Variants in CMC2 observed in about 807,000 individuals in gnomAD.
CMC2 encodes the protein COX assembly mitochondrial protein 2 homolog.
A neutral mutation model predicts 7.5 loss-of-function variants in CMC2; 5 were observed. The observed-to-expected ratio is 0.66, with a 90% confidence interval of 0.35 to 1.40. The LOEUF is 1.40. Ranked by LOEUF, CMC2 falls within the 40% of genes most tolerant of loss-of-function variation. The probability of loss-of-function intolerance (pLI) is 0.04; values close to 1 mark genes in which losing one functional copy is unlikely to be tolerated. For missense variants in CMC2, 115 were observed against 92.3 expected (o/e 1.25, Z -1.01); for synonymous variants, 37 against 31.4 (o/e 1.18, Z -0.60).
At position 80,995,815 on chromosome 16, in the gene CMC2, A is replaced by G. The variant is rs558926999; in HGVS notation, c.81+1499T>C. On this transcript the variant is annotated intron_variant, in intron 2 of 3. Coordinates refer to ENST00000219400, the MANE Select transcript of CMC2 (RefSeq NM_020188.5). Reference sequence around the variant, plus strand: ...AAAGGGGCACAGGAAACTGATAGAAATGTTTTAGATCTTGACTGTGATGGT... The same window carrying G: ...AAAGGGGCACAGGAAACTGATAGAAGTGTTTTAGATCTTGACTGTGATGGT... Among the ~76,000 whole-genome samples, 61 of 152,344 alleles carry G rather than the reference A, an allele frequency of 4.0e-4. 3 individuals are homozygous for G. In the South Asian group the frequency reaches 0.013, roughly 32 times the overall value.
chr16:80,992,697 T>C, intron 2 of CMC2, among the ~76,000 whole-genome samples: 1 of 125,078 alleles, frequency 8.0e-6, no homozygotes, highest in Non-Finnish European at 1.6e-5. Context: ...GGCCTCTTAT[T>C]CCCCCTCCTT....
At chr16:80,988,541 T>C (rs1450280545) in intron 2 of CMC2, 2 of 701,978 alleles carry the variant, frequency 2.8e-6, no homozygotes, top group East Asian at 2.7e-5. Context: ...AGCTCTTACA[T>C]ATACACCCGA....
At chr16:80,984,897 A>T (rs73589175) in intron 2 of CMC2, among the ~76,000 whole-genome samples, 3,686 of 152,350 alleles carry the variant, frequency 0.024, 139 homozygotes, top group African/African-American at 0.083. Flanking sequence ...AGTGCCCCAG[A>T]GAAATTGGTA....
chr16:80,988,571 T>C, intron 2 of CMC2: 1 of 700,510 alleles, frequency 1.4e-6, no homozygotes, highest in Non-Finnish European at 2.6e-6. Flanking sequence ...CTGAACCGAG[T>C]AAGTTGCAGA....
At chr16:81,006,295 C>G (rs900745503) in intron 1 of CMC2, among the ~76,000 whole-genome samples, 2 of 152,178 alleles carry the variant, frequency 1.3e-5, no homozygotes, top group African/African-American at 2.4e-5. Flanking sequence ...TTGAACGGCC[C>G]CCGTTTTCTA....
intron 1 of CMC2, chr16:81,001,376 T>C (rs961307570): frequency 7.9e-5 from 12 of 152,142 alleles, no homozygotes; most frequent in African/African-American, 2.7e-4. Context: ...AAAAGGCAAA[T>C]ACTTTAACAT....
At chr16:81,005,519 T>C (rs2549872) in intron 1 of CMC2, among the ~76,000 whole-genome samples, 95,653 of 151,782 alleles carry the variant, frequency 0.63, 31,687 homozygotes, top group South Asian at 0.79. Context: ...TTTCAAGCTA[T>C]GAGCCATACT....
chr16:80,988,549 C>T (rs910917670), intron 2 of CMC2: 12 of 701,824 alleles, frequency 1.7e-5, no homozygotes, highest in African/African-American at 8.7e-5. Flanking sequence ...CATATACACC[C>T]GAGCTTTTCT....
At chr16:81,006,473 T>A (rs1289775188) in intron 1 of CMC2, 2 of 154,652 alleles carry the variant, frequency 1.3e-5, no homozygotes, top group African/African-American at 4.8e-5. Flanking sequence ...GCCAGTTGAG[T>A]GAGTGGCGGG....
chr16:80,976,387 A>T (rs776310897), intron 3 of CMC2, among the ~76,000 whole-genome samples: 1 of 152,220 alleles, frequency 6.6e-6, no homozygotes, highest in Non-Finnish European at 1.5e-5. Flanking sequence ...AGAGTATCTC[A>T]TATCTAGCAC....
chr16:80,992,232 T>C (rs896396212), intron 2 of CMC2, among the ~76,000 whole-genome samples: 2 of 152,224 alleles, frequency 1.3e-5, no homozygotes, highest in Non-Finnish European at 1.5e-5. Context: ...CTCCATTGTG[T>C]GGATGCACCA....
chr16:80,979,770 G>A (rs1051779844), intron 3 of CMC2, among the ~76,000 whole-genome samples: 6 of 151,908 alleles, frequency 3.9e-5, no homozygotes, highest in Non-Finnish European at 5.9e-5. Flanking sequence ...ACAGGCGCCC[G>A]CCACCATGCC....
chr16:80,981,184 A>G (rs1967087457), intron 3 of CMC2, among the ~76,000 whole-genome samples: 1 of 151,634 alleles, frequency 6.6e-6, no homozygotes, highest in Non-Finnish European at 1.5e-5. Flanking sequence ...CTGATGTATG[A>G]AACAGAAATT....
intron 1 of CMC2, among the ~76,000 whole-genome samples, chr16:81,004,991 G>A (rs899573604): frequency 3.9e-5 from 6 of 152,170 alleles, no homozygotes; most frequent in African/African-American, 1.2e-4. Flanking sequence ...CTATTGTGCG[G>A]CTGCACAGGA....
At position 80,997,364 on chromosome 16, in the gene CMC2, T is replaced by A. The variant is rs774135647; in HGVS notation, c.31A>T (p.Thr11Ser). Residue 11 changes from threonine to serine, a missense_variant, in exon 2 of 4, where the codon ACT becomes TCT. Physicochemically the swap from Thr to Ser is moderately conservative, Grantham distance 58 (BLOSUM62 1). Coordinates refer to ENST00000219400, the MANE Select transcript of CMC2 (RefSeq NM_020188.5). ...TTAATCAAGACGTTGCATTCTTCAG[T>A]GTGCAAGTGTGGAGATAAGTCAGGA... is the stretch of plus-strand genomic sequence containing the variant. Reference protein sequence around the residue: MHPDLSPHLHTEECNVLINLL... With the variant: MHPDLSPHLHSEECNVLINLL... 1 of 1,612,634 alleles carries A rather than the reference T, an allele frequency of 6.2e-7. No individual in the cohort carries two copies.
rs1968527339 is a variant in CMC2, at chr16:80,997,562, A to T, written c.-35-133T>A. The T allele has an allele frequency of 7.8e-6, 4 of 513,328 alleles. No homozygotes were observed. In the Admixed American group the frequency reaches 1.4e-4, roughly 19 times the overall value. 31.8% of individuals were successfully genotyped at this position (513,328 alleles called of 1,614,324 possible). A position where few individuals can be genotyped will look rare whatever the true frequency, so the allele number is the denominator to read the frequency against. On this transcript the variant is annotated intron_variant, in intron 1 of 3. Coordinates refer to ENST00000219400, the MANE Select transcript of CMC2 (RefSeq NM_020188.5). ...ATTAACCAGCTGTGTGACCTCAGGC[A>T]AATTATTAAACTTGAGACAAAGCTT...
intron 2 of CMC2, among the ~76,000 whole-genome samples, 200 bp from the exon 3 acceptor site, chr16:80,982,077 A>T (rs932163001): frequency 3.3e-5 from 5 of 152,162 alleles, no homozygotes; most frequent in African/African-American, 1.2e-4. Flanking sequence ...TTATACCTGG[A>T]TTTTCTTTCA....
In CMC2 at chr16:80,972,135, T is replaced by TA. The variant is rs1267903700; in HGVS notation, c.*3957dup. 6.6e-6 allele frequency: 1 copy of TA among 152,396 alleles called. No individual in the cohort carries two copies. Among genetic ancestry groups the TA allele is most frequent in the East Asian group, 1.9e-4 (1 of 5,182 alleles). 9.4% of individuals were successfully genotyped at this position (152,396 alleles called of 1,614,324 possible). On this transcript the variant is annotated 3_prime_UTR_variant, in exon 4 of 4. Transcript: ENST00000219400. ...TCTGATACCAGAGGCAGGAGACTGG[T>TA]AACAATAAAGCATCCCTTTGCTTTC...
chr16:80,995,097 G>C (rs1968303782), intron 2 of CMC2, among the ~76,000 whole-genome samples: 1 of 152,162 alleles, frequency 6.6e-6, no homozygotes, highest in Non-Finnish European at 1.5e-5. Context: ...AGTGAGCCAA[G>C]ATTGGGCCCC....
Sources: allele counts gnomAD v4.1 joint callset (sites outside exome capture counted in the v4.1 genomes callset), GRCh38; gene constraint gnomAD v4.1.1; transcripts MANE v1.5; gene names NCBI Gene and HGNC (gene_info 2026-07-23, HGNC 2026-07-21).